DNM1L: variants seen among roughly 807,000 people sequenced by gnomAD.
DNM1L encodes dynamin-1-like protein.
Under a neutral mutation model 92.8 loss-of-function variants are expected in DNM1L, and 33 were observed. The observed-to-expected ratio is 0.36, with a 90% CI of 0.27 to 0.48. The LOEUF (loss-of-function observed/expected upper bound fraction) is 0.48, where lower values mean the gene tolerates loss of function less well. DNM1L is among the 20% of genes least tolerant of loss of function. The pLI, the probability that DNM1L is intolerant of heterozygous loss-of-function variation, is 0.99. For synonymous variants in DNM1L, 284 were observed against 305.0 expected (o/e 0.93, Z 0.72); for missense variants, 485 against 888.8 (o/e 0.55, Z 5.78).
intron 6 of DNM1L, among the ~76,000 whole-genome samples, chr12:32,717,329 AT>A (rs1232601171): frequency 1.4e-5 from 1 of 70,428 alleles, no homozygotes; most frequent in Non-Finnish European, 2.5e-5. Flanking sequence ...TACACTATAT[AT>A]TTTATATATA....
intron 1 of DNM1L, chr12:32,680,015 G>T: frequency 1.0e-6 from 1 of 985,372 alleles, no homozygotes; most frequent in Admixed American, 6.1e-5. Flanking sequence ...TTTTCCTGCA[G>T]TATAATTCCA....
intron 18 of DNM1L, 105 bp downstream of exon 18, chr12:32,740,623 AATC>A (rs1955222988): frequency 9.4e-7 from 1 of 1,060,558 alleles, no homozygotes; most frequent in South Asian, 1.5e-5. Flanking sequence ...TTTTATTCTA[AATC>A]ATCAAGTGGA....
Position 32,718,701 on chromosome 12 carries a change from C to T in DNM1L, c.678C>T (p.Ala226=). The part of the protein sequence containing the change: ...KLDLMDAGTD[A]MDVLMGRVIP... Reference sequence around the variant, plus strand: ...ATCTCATGGATGCGGGTACTGATGCCATGGATGTATTGATGGGAAGGGTTA... The same window carrying T: ...ATCTCATGGATGCGGGTACTGATGCTATGGATGTATTGATGGGAAGGGTTA... Residue 226 remains alanine (A), a synonymous_variant, in exon 7 of 20, where the codon GCC becomes GCT. Coordinates refer to ENST00000549701, the MANE Select transcript of DNM1L (RefSeq NM_012062.5). The T allele has an allele frequency of 6.2e-7, 1 of 1,613,842 alleles. No homozygotes were observed. The highest frequency in any genetic ancestry group is 8.5e-7 in the Non-Finnish European group (1 of 1,179,918).
At position 32,726,520 on chromosome 12, in the gene DNM1L, C is replaced by T. The variant is rs1954156369; in HGVS notation, c.1079+3887C>T. Reference sequence around the variant, plus strand: ...TCATCATCATCATCTTCAGTAGCTTCTCCAGTAAACTATAACACTGATCTT... The same window carrying T: ...TCATCATCATCATCTTCAGTAGCTTTTCCAGTAAACTATAACACTGATCTT... On this transcript the variant is annotated intron_variant, in intron 9 of 19. Coordinates refer to ENST00000549701, the MANE Select transcript of DNM1L (RefSeq NM_012062.5). The T allele has an allele frequency of 2.8e-6, 3 of 1,064,520 alleles. No homozygotes were observed. In the Admixed American group the frequency reaches 5.3e-5, roughly 19 times the overall value. The allele number at this position is 1,064,520 out of a possible 1,614,324, so 65.9% of individuals were successfully genotyped here. A position where few individuals can be genotyped will look rare whatever the true frequency, so the allele number is the denominator to read the frequency against.
At chr12:32,694,548 T>C (rs889216339) in intron 1 of DNM1L, among the ~76,000 whole-genome samples, 1 of 152,204 alleles carries the variant, frequency 6.6e-6, no homozygotes, top group Non-Finnish European at 1.5e-5. Context: ...TTTATAAGAC[T>C]AAACATTAGT....
chr12:32,733,669 A>G, intron 12 of DNM1L, 46 bp from the exon 13 acceptor site: 1 of 1,489,558 alleles, frequency 6.7e-7, no homozygotes, highest in African/African-American at 1.4e-5. Flanking sequence ...AAAGTAAAAT[A>G]TGGTTGATGT....
At chr12:32,740,343 T>G in intron 17 of DNM1L, 66 bp from the exon 18 acceptor site, 1 of 1,609,700 alleles carries the variant, frequency 6.2e-7, no homozygotes, top group South Asian at 1.1e-5. Context: ...TACATAACTT[T>G]CAGATGTTAA....
chr12:32,735,623 G>GT (rs1205034589), intron 13 of DNM1L, among the ~76,000 whole-genome samples: 2 of 152,158 alleles, frequency 1.3e-5, no homozygotes, highest in Non-Finnish European at 2.9e-5. Flanking sequence ...GCTCATGCCT[G>GT]TAATCCCAGC....
At chr12:32,727,663 A>G in intron 9 of DNM1L, 1 of 263,476 alleles carries the variant, frequency 3.8e-6, no homozygotes, top group East Asian at 7.7e-5. Flanking sequence ...TGCTATACCT[A>G]TCTTGGAATC....
At chr12:32,737,190 C>T in intron 14 of DNM1L, 29 bp downstream of exon 14, 1 of 1,608,424 alleles carries the variant, frequency 6.2e-7, no homozygotes, top group Non-Finnish European at 8.5e-7. Flanking sequence ...TGCATATTCC[C>T]AATACCTAAA....
rs1565519109 is a variant in DNM1L, at chr12:32,717,958, AG to A, written c.620-684del. ...TATATATATAAAATATAGTATATATAGTATATATATTATATATAGTATATAT... is the reference window on the plus strand; with the variant it reads ...TATATATATAAAATATAGTATATATATATATATATTATATATAGTATATAT... On this transcript the variant is annotated intron_variant, in intron 6 of 19. Transcript: ENST00000549701. Among the ~76,000 whole-genome samples the A allele has an allele frequency of 7.0e-3, 759 of 107,744 alleles. 17 individuals carry two copies. The highest frequency in any genetic ancestry group is 0.029 in the African/African-American group (731 of 25,234). 70.7% of individuals were successfully genotyped at this position (107,744 alleles called of 152,430 possible).
chr12:32,683,869 G>A (rs985934182), intron 1 of DNM1L, among the ~76,000 whole-genome samples: 19 of 152,000 alleles, frequency 1.3e-4, no homozygotes, highest in Non-Finnish European at 1.6e-4. Flanking sequence ...AGTAGAGACA[G>A]CATTTTACAA....
At chr12:32,708,819 C>G (rs968522819) in intron 4 of DNM1L, among the ~76,000 whole-genome samples, 1 of 151,956 alleles carries the variant, frequency 6.6e-6, no homozygotes, top group Middle Eastern at 3.2e-3. Context: ...CTATCACTGC[C>G]TTGCCTGAAT....
chr12:32,740,322 T>C, intron 17 of DNM1L, 82 bp downstream of exon 17: 1 of 1,611,112 alleles, frequency 6.2e-7, no homozygotes, highest in Non-Finnish European at 8.5e-7. Flanking sequence ...GAACTAAAAG[T>C]CTCAAAAACT....
intron 9 of DNM1L, chr12:32,726,841 C>G (rs1267004617): frequency 4.8e-6 from 3 of 630,568 alleles, no homozygotes; most frequent in Non-Finnish European, 8.7e-6. Flanking sequence ...TCATCTGGTT[C>G]TGGTTCTAAC....
chr12:32,732,073 G>A (rs1954589330), intron 12 of DNM1L, 130 bp downstream of exon 12: 4 of 688,796 alleles, frequency 5.8e-6, no homozygotes, highest in Non-Finnish European at 7.4e-6. Flanking sequence ...TGTATTGGGA[G>A]GAAAAACAAG....
intron 5 of DNM1L, among the ~76,000 whole-genome samples, chr12:32,712,008 T>G (rs969387736): frequency 7.2e-5 from 11 of 152,182 alleles, no homozygotes; most frequent in African/African-American, 2.4e-4. Context: ...CTTCCTACCT[T>G]TACAGTATAT....
chr12:32,691,490 G>T (rs1035910526), intron 1 of DNM1L, among the ~76,000 whole-genome samples: 4 of 152,042 alleles, frequency 2.6e-5, no homozygotes, highest in African/African-American at 4.8e-5. Context: ...TGATCCACCC[G>T]CCTTGGCCTC....
chr12:32,727,838 C>T (rs915889842), intron 9 of DNM1L, among the ~76,000 whole-genome samples: 62 of 152,110 alleles, frequency 4.1e-4, no homozygotes, highest in African/African-American at 1.3e-3. Flanking sequence ...GATGGACTAC[C>T]TGCATCTGTC....
Sources: allele counts gnomAD v4.1 joint callset (sites outside exome capture counted in the v4.1 genomes callset), GRCh38; gene constraint gnomAD v4.1.1; transcripts MANE v1.5; gene names NCBI Gene and HGNC (gene_info 2026-07-23, HGNC 2026-07-21).